RUNX2: variants seen among roughly 807,000 people sequenced by gnomAD.
The protein encoded by RUNX2 is RUNX family transcription factor 2, also known as runt-related transcription factor 2.
A neutral mutation model predicts 51.7 loss-of-function variants in RUNX2; 10 were observed. The ratio of observed to expected loss-of-function variants is 0.19; its 90% CI spans 0.12 to 0.33. The LOEUF is 0.33. Ranked by LOEUF, RUNX2 falls within the 10% of genes least tolerant of loss-of-function variation. The pLI is 1.00. For synonymous variants in RUNX2, 276 were observed against 273.6 expected (o/e 1.01, Z -0.09); for missense variants, 562 against 691.3 (o/e 0.81, Z 2.10).
At chr6:45,519,774 T>TTATATATATATA (rs1179504865) in intron 7 of RUNX2, among the ~76,000 whole-genome samples, 8 of 135,926 alleles carry the variant, frequency 5.9e-5, no homozygotes, top group African/African-American at 2.7e-4. Flanking sequence ...AAGGATGCTA[T>TTATATATATATA]TATATATATA....
At chr6:45,421,068 C>T (rs1582091980) in intron 2 of RUNX2, 1 of 152,238 alleles carries the variant, frequency 6.6e-6, no homozygotes, top group East Asian at 1.9e-4. Context: ...AAATAAACAG[C>T]CACGGAAGCA....
At chr6:45,473,818 G>A (rs181848627) in intron 5 of RUNX2, among the ~76,000 whole-genome samples, 17 of 152,282 alleles carry the variant, frequency 1.1e-4, no homozygotes, top group Non-Finnish European at 1.9e-4. Flanking sequence ...TTTTGAGTCA[G>A]GAGTTCTTGA....
intron 2 of RUNX2, among the ~76,000 whole-genome samples, chr6:45,372,867 T>C (rs753657234): frequency 4.6e-5 from 7 of 151,860 alleles, no homozygotes; most frequent in Non-Finnish European, 8.8e-5. Flanking sequence ...ACCCAGGCTG[T>C]AGTGTAATGG....
At chr6:45,425,760 A>AAATAATATGAAG (rs1370590343) in intron 3 of RUNX2, among the ~76,000 whole-genome samples, 2 of 152,204 alleles carry the variant, frequency 1.3e-5, no homozygotes, top group Non-Finnish European at 2.9e-5. Context: ...TGCAATGAAG[A>AAATAATATGAAG]AATAATATGA....
At chr6:45,538,893 T>A (rs1802129461) in intron 7 of RUNX2, among the ~76,000 whole-genome samples, 1 of 152,200 alleles carries the variant, frequency 6.6e-6, no homozygotes, top group Non-Finnish European at 1.5e-5. Flanking sequence ...TGGCCCCTTC[T>A]GAAAGACACG....
chr6:45,364,859 C>T (rs1794860746), intron 2 of RUNX2, among the ~76,000 whole-genome samples: 2 of 152,146 alleles, frequency 1.3e-5, no homozygotes, highest in South Asian at 4.1e-4. Context: ...AGAATATAAT[C>T]AGTCTCAAAA....
chr6:45,537,787 C>T (rs1802083897), intron 7 of RUNX2, among the ~76,000 whole-genome samples: 1 of 152,108 alleles, frequency 6.6e-6, no homozygotes, highest in Non-Finnish European at 1.5e-5. Flanking sequence ...GGCTTGCTAC[C>T]AAGCCTGAAA....
intron 5 of RUNX2, among the ~76,000 whole-genome samples, chr6:45,449,691 C>T (rs1412390157): frequency 4.6e-5 from 7 of 152,118 alleles, no homozygotes; most frequent in Admixed American, 2.6e-4. Context: ...AGGCCTGGCA[C>T]AGAGTGGGCA....
intron 5 of RUNX2, among the ~76,000 whole-genome samples, chr6:45,481,236 G>A (rs1189939175): frequency 1.3e-5 from 2 of 152,206 alleles, no homozygotes; most frequent in Non-Finnish European, 2.9e-5. Flanking sequence ...TCTGTTTGTA[G>A]GCTAGTTGTC....
rs1178385324 is a variant in RUNX2 at position 45,452,056 on chromosome 6, T to C, written c.685+14005T>C. Among the ~76,000 whole-genome samples the C allele has an allele frequency of 2.0e-5, 3 of 152,214 alleles. No homozygotes were observed. The East Asian group carries it at 5.8e-4, about 29-fold the overall frequency. On this transcript the variant is annotated intron_variant, in intron 5 of 8. Coordinates refer to ENST00000647337, the MANE Select transcript of RUNX2 (RefSeq NM_001024630.4). ...TTACTGATAATCAGAATAGGTGCATTATTAATTTTGGACTGAGGGGGATAA... is the reference window on the plus strand; with the variant it reads ...TTACTGATAATCAGAATAGGTGCATCATTAATTTTGGACTGAGGGGGATAA...
chr6:45,458,384 G>GT (rs11394370), intron 5 of RUNX2, among the ~76,000 whole-genome samples: 8,033 of 152,198 alleles, frequency 0.053, 543 homozygotes, highest in East Asian at 0.17. Context: ...AAGAGTATTT[G>GT]TTAAGCATCT....
chr6:45,522,676 C>T (rs1303676020), intron 7 of RUNX2, among the ~76,000 whole-genome samples: 1 of 152,206 alleles, frequency 6.6e-6, no homozygotes, highest in Non-Finnish European at 1.5e-5. Context: ...AGATTGAAGA[C>T]TCCCATTGGC....
chr6:45,549,217 T>C lies in RUNX2; in HGVS notation c.*1912T>C. The stretch of plus-strand genomic sequence containing the variant: ...AATCCCTGCTCTCCTCCCCGAAAAG[T>C]CAGGGTCCCTTCATTGGAATCCTCC... On this transcript the variant is annotated 3_prime_UTR_variant, in exon 9 of 9. Coordinates refer to ENST00000647337, the MANE Select transcript of RUNX2 (RefSeq NM_001024630.4). The C allele has an allele frequency of 1.0e-5, 4 of 398,474 alleles. No homozygotes were observed. The highest frequency in any genetic ancestry group is 1.8e-5 in the Non-Finnish European group (4 of 226,058). 24.7% of individuals were successfully genotyped at this position (398,474 alleles called of 1,614,324 possible). A position where few individuals can be genotyped will look rare whatever the true frequency, so the allele number is the denominator to read the frequency against.
At chr6:45,424,564 A>T (rs1485080948) in intron 3 of RUNX2, among the ~76,000 whole-genome samples, 1 of 151,502 alleles carries the variant, frequency 6.6e-6, no homozygotes, top group Non-Finnish European at 1.5e-5. Context: ...TTGGGGGAGG[A>T]ATCATGCCAG....
intron 5 of RUNX2, among the ~76,000 whole-genome samples, chr6:45,491,455 G>T (rs984064211): frequency 2.6e-5 from 4 of 152,196 alleles, no homozygotes; most frequent in Non-Finnish European, 4.4e-5. Context: ...TTAAAGAAAA[G>T]TCACTATGGT....
intron 2 of RUNX2, among the ~76,000 whole-genome samples, chr6:45,355,323 AT>A (rs1792947095): frequency 6.6e-6 from 1 of 151,968 alleles, no homozygotes; most frequent in Non-Finnish European, 1.5e-5. Context: ...AACTTTCTGT[AT>A]TTTCTAATTT....
At chr6:45,341,122 T>C (rs1018286114) in intron 2 of RUNX2, among the ~76,000 whole-genome samples, 1 of 152,208 alleles carries the variant, frequency 6.6e-6, no homozygotes, top group Non-Finnish European at 1.5e-5. Flanking sequence ...TGACATGTAC[T>C]ATTCACCCCA....
intron 2 of RUNX2, among the ~76,000 whole-genome samples, chr6:45,330,019 G>A (rs1787131104): frequency 1.3e-5 from 2 of 151,786 alleles, no homozygotes; most frequent in Admixed American, 6.6e-5. Flanking sequence ...GATACTACTA[G>A]AGGATCAGTC....
chr6:45,455,384 G>C (rs115138047), intron 5 of RUNX2, among the ~76,000 whole-genome samples: 1 of 152,030 alleles, frequency 6.6e-6, no homozygotes, highest in Non-Finnish European at 1.5e-5. Context: ...AGATGCTTTT[G>C]TTCTTGGTGA....
Sources: allele counts gnomAD v4.1 joint callset (sites outside exome capture counted in the v4.1 genomes callset), GRCh38; gene constraint gnomAD v4.1.1; transcripts MANE v1.5; gene names NCBI Gene and HGNC (gene_info 2026-07-23, HGNC 2026-07-21).